TSPAN15: variants seen among roughly 807,000 people sequenced by gnomAD.
TSPAN15 encodes the protein tetraspanin-15.
TSPAN15 carries 20 observed loss-of-function variants against 34.5 expected under a neutral mutation model. The ratio of observed to expected loss-of-function variants is 0.58; its 90% CI spans 0.41 to 0.84. TSPAN15 has a LOEUF of 0.84. Ranked by LOEUF, TSPAN15 falls within the 40% of genes least tolerant of loss-of-function variation. TSPAN15 has a pLI of 0.00. For missense variants in TSPAN15, 313 were observed against 386.1 expected, an observed-to-expected ratio of 0.81 and a Z score of 1.59; for synonymous variants, 155 against 153.9, an observed-to-expected ratio of 1.01 and a Z score of -0.05.
At chr10:69,477,683 G>A (rs558392897) in intron 1 of TSPAN15, among the ~76,000 whole-genome samples, 55 of 152,286 alleles carry the variant, frequency 3.6e-4, no homozygotes, top group Admixed American at 1.2e-3. Context: ...CTGCTGCTCC[G>A]CTATTGTCGG....
At chr10:69,469,727 A>G (rs1029441737) in intron 1 of TSPAN15, among the ~76,000 whole-genome samples, 1 of 152,184 alleles carries the variant, frequency 6.6e-6, no homozygotes, top group Non-Finnish European at 1.5e-5. Flanking sequence ...ATTTTTTTGT[A>G]GAGATGAGAT....
intron 3 of TSPAN15, among the ~76,000 whole-genome samples, chr10:69,489,422 T>TA (rs1184788166): frequency 6.6e-6 from 1 of 152,180 alleles, no homozygotes; most frequent in Non-Finnish European, 1.5e-5. Flanking sequence ...ATCCCCAGCT[T>TA]ACGAAGATAA....
chr10:69,539,491 A>AAGAAGAAGG, the TSPAN15 span, among the ~76,000 whole-genome samples: 3 of 59,352 alleles, frequency 5.1e-5, no homozygotes, highest in Non-Finnish European at 1.0e-4. Context: ...GGAGAAGAAG[A>AAGAAGAAGG]AGAAGAAGAA....
At chr10:69,539,479 A>AGG in the TSPAN15 span, among the ~76,000 whole-genome samples, 9 of 71,204 alleles carry the variant, frequency 1.3e-4, no homozygotes, top group Admixed American at 4.7e-4. Context: ...GGAGAAGGAG[A>AGG]AGGAGAAGAA....
chr10:69,518,523 A>G, the TSPAN15 span, among the ~76,000 whole-genome samples: 1 of 152,246 alleles, frequency 6.6e-6, no homozygotes, highest in Non-Finnish European at 1.5e-5. Flanking sequence ...TCGTGGGTTC[A>G]AGCGATCCTT....
intron 1 of TSPAN15, 22 bp downstream of exon 1, chr10:69,451,712 C>A: frequency 6.9e-7 from 1 of 1,439,764 alleles, no homozygotes; most frequent in South Asian, 1.5e-5. Context: ...CAGTAGGGCC[C>A]GGGGATGGGG....
At chr10:69,539,556 G>GAA in the TSPAN15 span, among the ~76,000 whole-genome samples, 446 of 100,942 alleles carry the variant, frequency 4.4e-3, 16 homozygotes, top group African/African-American at 0.014. Context: ...AGAAGGAGAA[G>GAA]GAGAAGGAGA....
intron 3 of TSPAN15, 52 bp from the exon 4 acceptor site, chr10:69,495,542 G>A (rs369739565): frequency 1.4e-6 from 2 of 1,387,308 alleles, no homozygotes; most frequent in Admixed American, 1.7e-5. Flanking sequence ...ACCTTGGGTT[G>A]GACTCCGGGA....
Position 69,506,935 on chromosome 10 carries a change from T to C in TSPAN15, c.842T>C (p.Val281Ala). Residue 281 changes from valine to alanine, a missense_variant, in exon 8 of 8, where the codon GTG (valine) becomes GCG (alanine). By Grantham distance (64) the Val-to-Ala change is moderately conservative (BLOSUM62 0). Transcript: ENST00000373290. This position sits in a 1 kb window ranked among gnomAD's most constrained non-coding sequence, Gnocchi z 4.7. ...CTGGGGCCCGGTGCCAAGCCCAGCG[T>C]GGAGGCGGCAGGCACGGGATGCTGC... ...GLLGPGAKPS[V>A]EAAGTGCCLC... 6.2e-7 allele frequency: 1 copy of C among 1,610,174 alleles called. No individual in the cohort carries two copies. Among genetic ancestry groups the C allele is most frequent in the South Asian group, 1.1e-5 (1 of 89,738 alleles).
At chr10:69,465,720 CA>C (rs990915653) in intron 1 of TSPAN15, among the ~76,000 whole-genome samples, 3 of 152,160 alleles carry the variant, frequency 2.0e-5, no homozygotes, top group African/African-American at 7.2e-5. Context: ...GCAGACTTAC[CA>C]GCTTCCTTCC....
Position 69,485,145 on chromosome 10 carries a change from T to C in TSPAN15, c.287T>C (p.Met96Thr), listed in dbSNP as rs774851861. Residue 96 changes from methionine to threonine, a missense_variant, in exon 3 of 8, where the codon ATG (methionine) becomes ACG (threonine). Coordinates refer to ENST00000373290, the MANE Select transcript of TSPAN15 (RefSeq NM_012339.5). ...RDNLYLLQAF[M>T]YILGICLIME... ...TCTCTGAATTCTGTTTTCCAGTTCA[T>C]GTACATCCTTGGGATCTGCCTCATC... The C allele has an allele frequency of 6.2e-7, 1 of 1,614,170 alleles. No individual in the cohort carries two copies. The highest frequency in any genetic ancestry group is 1.1e-5 in the South Asian group (1 of 91,088).
intron 1 of TSPAN15, among the ~76,000 whole-genome samples, chr10:69,468,706 T>C (rs1406638229): frequency 6.6e-6 from 1 of 151,758 alleles, no homozygotes; most frequent in African/African-American, 2.4e-5. Context: ...CTCCTCTAAA[T>C]ACCCCAGCAT....
chr10:69,460,027 GAGATGAGA>G (rs1841214635), intron 1 of TSPAN15, among the ~76,000 whole-genome samples: 1 of 47,174 alleles, frequency 2.1e-5, no homozygotes, highest in South Asian at 6.2e-4. Flanking sequence ...GAGATGAGAT[GAGATGAGA>G]TGAGATGAGA....
the TSPAN15 span, among the ~76,000 whole-genome samples, chr10:69,541,727 C>A: frequency 6.6e-6 from 1 of 152,264 alleles, no homozygotes; most frequent in Non-Finnish European, 1.5e-5. Context: ...TGTGCAGCTG[C>A]AGGTTCAACA....
chr10:69,542,082 C>T, the TSPAN15 span, among the ~76,000 whole-genome samples: 1 of 152,304 alleles, frequency 6.6e-6, no homozygotes, highest in South Asian at 2.1e-4. Context: ...TCTGCTTCCT[C>T]TTGAACGCTT....
the TSPAN15 span, among the ~76,000 whole-genome samples, chr10:69,532,810 A>G: frequency 1.3e-5 from 2 of 152,214 alleles, no homozygotes; most frequent in African/African-American, 4.8e-5. Context: ...CAGAATCTAC[A>G]ATGAACTCAA....
intron 1 of TSPAN15, among the ~76,000 whole-genome samples, chr10:69,466,856 C>T (rs991934589): frequency 6.6e-6 from 1 of 152,206 alleles, no homozygotes. Flanking sequence ...GTCTCCTTCG[C>T]GTGACCATTA....
intron 1 of TSPAN15, among the ~76,000 whole-genome samples, chr10:69,462,149 T>G (rs1360344023): frequency 7.2e-6 from 1 of 138,792 alleles, no homozygotes; most frequent in Non-Finnish European, 1.6e-5. Context: ...CCTGGCTAAT[T>G]TTAAAGTTTT....
In TSPAN15 at chr10:69,506,718, A is replaced by G. The variant is rs906011304; in HGVS notation, c.736-111A>G. ...GCTGTGGGTGTTGCCCAGGTCACACAGGACCATGAGGGCTTGGGACTGGCT... is the reference window on the plus strand; with the variant it reads ...GCTGTGGGTGTTGCCCAGGTCACACGGGACCATGAGGGCTTGGGACTGGCT... On this transcript the variant is annotated intron_variant, in intron 7 of 7. Transcript: ENST00000373290. The surrounding 1 kb of genome is among the most constrained non-coding windows in gnomAD (Gnocchi z 4.7). The G allele has an allele frequency of 9.9e-6, 11 of 1,115,922 alleles. No individual in the cohort carries two copies. Among genetic ancestry groups the G allele is most frequent in the Non-Finnish European group, 1.3e-5 (10 of 769,934 alleles). The allele number at this position is 1,115,922 out of a possible 1,614,324, so 69.1% of individuals were successfully genotyped here.
Sources: gnomAD v4.1 joint callset for allele counts (sites outside exome capture counted in the v4.1 genomes callset) on GRCh38, gnomAD v4.1.1 for gene constraint, Gnocchi (gnomAD v3.1) non-coding constraint, MANE v1.5 for transcripts, NCBI Gene and HGNC (gene_info 2026-07-23, HGNC 2026-07-21) for gene names.